Variants in PTPRD observed in about 807,000 individuals in gnomAD.
PTPRD encodes receptor-type tyrosine-protein phosphatase delta.
In PTPRD, 34 loss-of-function variants were observed where a neutral mutation model predicts 214.5. That is an observed-to-expected ratio of 0.16 (90% CI 0.12 to 0.21). The LOEUF (loss-of-function observed/expected upper bound fraction) is 0.21, where lower values mean the gene tolerates loss of function less well. Among genes scored for constraint, PTPRD ranks in the 10% least tolerant of loss-of-function variants. The pLI is 1.00. For missense variants in PTPRD, 2,545 were observed against 2,398.7 expected (o/e 1.06, Z -1.27); for synonymous variants, 1,128 against 845.7 (o/e 1.33, Z -5.79).
chr9:9,519,328 A>G (rs938640621), intron 8 of PTPRD, among the ~76,000 whole-genome samples: 1 of 147,100 alleles, frequency 6.8e-6, no homozygotes, highest in African/African-American at 2.5e-5. Context: ...ACAAAGTAGA[A>G]GAAAGACAAT....
At chr9:9,823,921 A>G (rs557352690) in intron 5 of PTPRD, among the ~76,000 whole-genome samples, 5 of 152,120 alleles carry the variant, frequency 3.3e-5, no homozygotes, top group Non-Finnish European at 7.4e-5. Flanking sequence ...TGAATATCTC[A>G]ATTATGTTGA....
chr9:9,552,898 C>G (rs530151343), intron 8 of PTPRD, among the ~76,000 whole-genome samples: 2 of 152,060 alleles, frequency 1.3e-5, no homozygotes, highest in Non-Finnish European at 2.9e-5. Context: ...ACATGGATCA[C>G]AGACAAGCTC....
chr9:9,913,422 A>C (rs574428839), intron 5 of PTPRD, among the ~76,000 whole-genome samples: 58 of 152,306 alleles, frequency 3.8e-4, no homozygotes, highest in Middle Eastern at 3.4e-3. Flanking sequence ...AAACAGAGTG[A>C]TCTCATCAAG....
At chr9:9,735,805 C>T (rs1365824957) in intron 6 of PTPRD, among the ~76,000 whole-genome samples, 1 of 152,018 alleles carries the variant, frequency 6.6e-6, no homozygotes, top group East Asian at 1.9e-4. Context: ...CTATTAACGA[C>T]CTAAGAAAAT....
At chr9:9,140,182 C>T (rs972180540) in intron 10 of PTPRD, among the ~76,000 whole-genome samples, 1 of 145,978 alleles carries the variant, frequency 6.9e-6, no homozygotes, top group Non-Finnish European at 1.5e-5. Flanking sequence ...CTATGTAAAT[C>T]CATGCATGGA....
intron 7 of PTPRD, among the ~76,000 whole-genome samples, chr9:9,664,891 A>C (rs1281588542): frequency 1.3e-5 from 2 of 151,746 alleles, no homozygotes; most frequent in African/African-American, 4.8e-5. Context: ...GAGCTATGCA[A>C]GCACAAAAGT....
At chr9:8,347,990 G>A (rs921650950) in intron 39 of PTPRD, among the ~76,000 whole-genome samples, 1 of 152,082 alleles carries the variant, frequency 6.6e-6, no homozygotes, top group Non-Finnish European at 1.5e-5. Flanking sequence ...ATACCTAAAG[G>A]TCAAGTAACT....
At chr9:9,683,300 G>T (rs886929970) in intron 7 of PTPRD, among the ~76,000 whole-genome samples, 1 of 151,686 alleles carries the variant, frequency 6.6e-6, no homozygotes, top group Non-Finnish European at 1.5e-5. Context: ...GCACTCAGGG[G>T]TAAATTGATT....
At chr9:10,499,525 T>A (rs370881966) in intron 2 of PTPRD, among the ~76,000 whole-genome samples, 1 of 151,964 alleles carries the variant, frequency 6.6e-6, no homozygotes, top group Admixed American at 6.6e-5. Context: ...TGCTGTCAAA[T>A]GTGACTAATG....
chr9:8,821,043 G>C (rs779027824), intron 11 of PTPRD, among the ~76,000 whole-genome samples: 19 of 152,072 alleles, frequency 1.2e-4, no homozygotes, highest in Non-Finnish European at 2.2e-4. Context: ...TCCCAGCTAG[G>C]GTTGGCTATA....
chr9:8,744,298 GTATC>G (rs2092516741), intron 11 of PTPRD, among the ~76,000 whole-genome samples: 1 of 152,106 alleles, frequency 6.6e-6, no homozygotes, highest in African/African-American at 2.4e-5. Context: ...CCACTACTAA[GTATC>G]TACCTAGAAG....
At chr9:10,462,683 T>C (rs1254655164) in intron 2 of PTPRD, among the ~76,000 whole-genome samples, 2 of 150,596 alleles carry the variant, frequency 1.3e-5, no homozygotes, top group East Asian at 3.9e-4. Context: ...GTATTGGAAG[T>C]GCATTGAGAA....
At chr9:8,873,870 C>T (rs2098343459) in intron 11 of PTPRD, among the ~76,000 whole-genome samples, 1 of 152,096 alleles carries the variant, frequency 6.6e-6, no homozygotes, top group East Asian at 1.9e-4. Context: ...TCCATACTAA[C>T]TGACAGGCTG....
intron 11 of PTPRD, among the ~76,000 whole-genome samples, chr9:8,948,514 TA>T (rs2099083161): frequency 5.0e-5 from 1 of 19,978 alleles, no homozygotes; most frequent in African/African-American, 1.0e-4. Context: ...TTTATATATA[TA>T]TATTTATATA....
At chr9:10,407,463 T>C (rs993396942) in intron 2 of PTPRD, among the ~76,000 whole-genome samples, 2 of 151,536 alleles carry the variant, frequency 1.3e-5, no homozygotes, top group Admixed American at 1.3e-4. Context: ...AAAATATATA[T>C]CCTACCTACT....
chr9:9,406,805 G>T (rs1391832167), intron 8 of PTPRD, among the ~76,000 whole-genome samples: 1 of 150,082 alleles, frequency 6.7e-6, no homozygotes, highest in Non-Finnish European at 1.5e-5. Context: ...TTAAGGAACA[G>T]TAGGCTTGAA....
chr9:9,982,199 T>C (rs1156617706), intron 4 of PTPRD, among the ~76,000 whole-genome samples: 1 of 152,182 alleles, frequency 6.6e-6, no homozygotes, highest in Non-Finnish European at 1.5e-5. Context: ...TCTGGCTTCC[T>C]AACCTTGACA....
chr9:10,548,472 C>A (rs1013560187), intron 2 of PTPRD, among the ~76,000 whole-genome samples: 1 of 152,014 alleles, frequency 6.6e-6, no homozygotes, highest in Non-Finnish European at 1.5e-5. Context: ...AATGGGAACC[C>A]AAGGGGCTCA....
At chr9:8,697,986 T>C (rs959336117) in intron 12 of PTPRD, among the ~76,000 whole-genome samples, 6 of 152,210 alleles carry the variant, frequency 3.9e-5, no homozygotes, top group Admixed American at 2.6e-4. Flanking sequence ...TCTGAGGTCA[T>C]GGAAAGTGTC....
Sources: allele counts gnomAD v4.1 joint callset (sites outside exome capture counted in the v4.1 genomes callset), GRCh38; gene constraint gnomAD v4.1.1; transcripts MANE v1.5; gene names NCBI Gene and HGNC (gene_info 2026-07-23, HGNC 2026-07-21).